The following FOXO1 variants were observed in gnomAD, a reference collection of about 807,000 sequenced individuals.
The protein encoded by FOXO1 is forkhead box protein O1.
FOXO1 carries 6 observed loss-of-function variants against 44.1 expected under a neutral mutation model. That is an observed-to-expected ratio of 0.14 (90% CI 0.07 to 0.27). FOXO1 has a LOEUF of 0.27. Among genes scored for constraint, FOXO1 ranks in the 10% least tolerant of loss-of-function variants. The pLI, the probability that FOXO1 is intolerant of heterozygous loss-of-function variation, is 1.00. For synonymous variants in FOXO1, 380 were observed against 362.7 expected, an observed-to-expected ratio of 1.05 and a Z score of -0.54; for missense variants, 737 against 888.8, an observed-to-expected ratio of 0.83 and a Z score of 2.17.
At chr13:40,664,827 G>T (rs1209638126) in intron 1 of FOXO1, among the ~76,000 whole-genome samples, 1 of 151,148 alleles carries the variant, frequency 6.6e-6, no homozygotes, top group Non-Finnish European at 1.5e-5. Flanking sequence ...CACCGCCACC[G>T]CCACCGCCCG....
chr13:40,578,275 T>C (rs1874835844), intron 1 of FOXO1, among the ~76,000 whole-genome samples: 1 of 152,200 alleles, frequency 6.6e-6, no homozygotes, highest in East Asian at 1.9e-4. Flanking sequence ...ACTCTGCAGC[T>C]GTCACTCAGG....
chr13:40,616,561 C>G (rs532516752), intron 1 of FOXO1, among the ~76,000 whole-genome samples: 89 of 152,204 alleles, frequency 5.8e-4, no homozygotes, highest in Middle Eastern at 6.8e-3. Context: ...AATGAGAAGC[C>G]CATTGGTAAA....
chr13:40,657,737 G>A (rs993187810), intron 1 of FOXO1, among the ~76,000 whole-genome samples: 10 of 152,058 alleles, frequency 6.6e-5, no homozygotes, highest in African/African-American at 2.2e-4. Context: ...CTTACACATT[G>A]CATCTAGTCT....
At chr13:40,597,756 G>A (rs1875636625) in intron 1 of FOXO1, among the ~76,000 whole-genome samples, 1 of 152,204 alleles carries the variant, frequency 6.6e-6, no homozygotes, top group African/African-American at 2.4e-5. Context: ...TCACCAGGGT[G>A]AAGGCGCCTC....
In FOXO1 at chr13:40,557,223, G is replaced by A. The variant is rs1035141893; in HGVS notation, c.*1826C>T. 2.0e-5 allele frequency: 3 copies of A among 152,196 alleles called. No individual in the cohort carries two copies. The highest frequency in any genetic ancestry group is 4.8e-5 in the African/African-American group (2 of 41,446). 9.4% of individuals were successfully genotyped at this position (152,196 alleles called of 1,614,324 possible). ...TTAGATCCTTCTCAAGAACACAAGA[G>A]GAACAGTGCTGTGCACCTGTTCTCT... On this transcript the variant is annotated 3_prime_UTR_variant, in exon 3 of 3. Coordinates refer to ENST00000379561, the MANE Select transcript of FOXO1 (RefSeq NM_002015.4).
chr13:40,556,667 T>G lies in FOXO1; in HGVS notation c.*2382A>C, dbSNP rs1355844980. On this transcript the variant is annotated 3_prime_UTR_variant, in exon 3 of 3. Coordinates refer to ENST00000379561, the MANE Select transcript of FOXO1 (RefSeq NM_002015.4). ...TTCTCAGAGAGCTACCAAGGATTCA[T>G]GACAGGATTTCAACACACAATGGGG... is the stretch of plus-strand genomic sequence containing the variant. The G allele has an allele frequency of 6.6e-6, 1 of 152,326 alleles. No individual in the cohort carries two copies. The highest frequency in any genetic ancestry group is 2.4e-5 in the African/African-American group (1 of 41,446). The allele number at this position is 152,326 out of a possible 1,614,324, so 9.4% of individuals were successfully genotyped here.
At position 40,560,365 on chromosome 13, in the gene FOXO1, C is replaced by G. The variant is rs142007136; in HGVS notation, c.1126G>C (p.Asp376His). ...GGTGATGAGAGAAGGTTGAGATTAT[C>G]CAAAAGATTTTCCATGTTTTCGGGA... is the stretch of plus-strand genomic sequence containing the variant. ...SNPENMENLL[D>H]NLNLLSSPTS... Residue 376 changes from aspartate to histidine, a missense_variant, in exon 2 of 3, where the codon GAT becomes CAT. Around this residue, in one of 7 missense-constraint regions of FOXO1, gnomAD observed 136 missense variants for 186.4 expected, o/e 0.73. Coordinates refer to ENST00000379561, the MANE Select transcript of FOXO1 (RefSeq NM_002015.4). This position sits in a 1 kb window ranked among gnomAD's most constrained non-coding sequence, Gnocchi z 5.1. 80 of 1,613,956 alleles carry G rather than the reference C, an allele frequency of 5.0e-5. No homozygotes were observed. In the African/African-American group the frequency reaches 7.1e-4, roughly 14 times the overall value.
chr13:40,573,749 A>G (rs1489573493), intron 1 of FOXO1, among the ~76,000 whole-genome samples: 3 of 152,258 alleles, frequency 2.0e-5, no homozygotes, highest in Non-Finnish European at 4.4e-5. Flanking sequence ...TGCCTTTGGA[A>G]GTTATCGACA....
At chr13:40,662,453 G>C (rs995109837) in intron 1 of FOXO1, among the ~76,000 whole-genome samples, 2 of 152,130 alleles carry the variant, frequency 1.3e-5, no homozygotes, top group African/African-American at 2.4e-5. Flanking sequence ...TACTGCACTA[G>C]ATTTAGAAGA....
rs543779452 is a variant in FOXO1 at position 40,592,157 on chromosome 13, A to T, written c.631-31297T>A. 8.5e-5 allele frequency among the ~76,000 whole-genome samples: 13 copies of T among 152,198 alleles called. No homozygotes were observed. The South Asian group carries it at 2.7e-3, about 32-fold the overall frequency. ...ACAACCTGTATATTACCTATGCATT[A>T]CTCTTCCAAACTGGGTAAACCAGAA... On this transcript the variant is annotated intron_variant, in intron 1 of 2. Coordinates refer to ENST00000379561, the MANE Select transcript of FOXO1 (RefSeq NM_002015.4).
chr13:40,590,146 A>T (rs529695804), intron 1 of FOXO1, among the ~76,000 whole-genome samples: 1 of 152,200 alleles, frequency 6.6e-6, no homozygotes, highest in Middle Eastern at 3.2e-3. Context: ...GAGAGATTTT[A>T]AAACCATCAT....
At chr13:40,599,270 A>C (rs1210050940) in intron 1 of FOXO1, among the ~76,000 whole-genome samples, 1 of 151,940 alleles carries the variant, frequency 6.6e-6, no homozygotes, top group Non-Finnish European at 1.5e-5. Flanking sequence ...TTGTCAGGGA[A>C]GAATTTATCT....
At position 40,582,215 on chromosome 13, in the gene FOXO1, C is replaced by T. The variant is rs570975343; in HGVS notation, c.631-21355G>A. 1.5e-4 allele frequency among the ~76,000 whole-genome samples: 23 copies of T among 152,174 alleles called. No homozygotes were observed. The South Asian group carries it at 3.7e-3, about 25-fold the overall frequency. On this transcript the variant is annotated intron_variant, in intron 1 of 2. Coordinates refer to ENST00000379561, the MANE Select transcript of FOXO1 (RefSeq NM_002015.4). Reference sequence around the variant, plus strand: ...TGTAGCCTATTAAGTGTGCAATAGCCATATTTTAAAAAAATAATGTACACA... The same window carrying T: ...TGTAGCCTATTAAGTGTGCAATAGCTATATTTTAAAAAAATAATGTACACA...
intron 1 of FOXO1, among the ~76,000 whole-genome samples, chr13:40,562,032 C>T (rs1394683017): frequency 4.0e-5 from 6 of 151,736 alleles, no homozygotes; most frequent in Admixed American, 6.6e-5. Flanking sequence ...TTCATTCACA[C>T]CTTTAAAGCC....
chr13:40,651,732 TATA>T (rs1289849395), intron 1 of FOXO1, among the ~76,000 whole-genome samples: 1 of 151,160 alleles, frequency 6.6e-6, no homozygotes, highest in Admixed American at 6.6e-5. Flanking sequence ...ATAATATAAA[TATA>T]AGATTATAAA....
intron 1 of FOXO1, among the ~76,000 whole-genome samples, chr13:40,631,022 T>C (rs1252037628): frequency 6.6e-6 from 1 of 151,982 alleles, no homozygotes; most frequent in Non-Finnish European, 1.5e-5. Context: ...GGTGGATAAG[T>C]GAGAAAGAAT....
At chr13:40,639,438 A>T (rs1213387285) in intron 1 of FOXO1, among the ~76,000 whole-genome samples, 1 of 152,246 alleles carries the variant, frequency 6.6e-6, no homozygotes, top group Non-Finnish European at 1.5e-5. Context: ...AAATAAAAAC[A>T]CTAGTAACTA....
At chr13:40,633,908 C>G (rs932309621) in intron 1 of FOXO1, among the ~76,000 whole-genome samples, 4 of 152,186 alleles carry the variant, frequency 2.6e-5, no homozygotes, top group African/African-American at 9.7e-5. Flanking sequence ...CTTTCCTCAC[C>G]AAAGGCACAC....
At chr13:40,660,340 C>T (rs1403242037) in intron 1 of FOXO1, among the ~76,000 whole-genome samples, 1 of 152,206 alleles carries the variant, frequency 6.6e-6, no homozygotes, top group Non-Finnish European at 1.5e-5. Context: ...CCCAAAGCTA[C>T]AGCACATATA....
Sources: allele counts gnomAD v4.1 joint callset (sites outside exome capture counted in the v4.1 genomes callset), GRCh38; gene constraint gnomAD v4.1.1; regional missense constraint gnomAD v4.1.1; non-coding constraint Gnocchi (gnomAD v3.1); transcripts MANE v1.5; gene names NCBI Gene and HGNC (gene_info 2026-07-23, HGNC 2026-07-21).